Variants in ZNF397 observed in about 807,000 individuals in gnomAD.
ZNF397 encodes zinc finger and SCAN domain-containing protein 15.
In ZNF397, 38 loss-of-function variants were observed where a neutral mutation model predicts 50.6. The observed-to-expected ratio is 0.75, with a 90% CI of 0.58 to 0.98. ZNF397 has a LOEUF of 0.98. Among genes scored for constraint, ZNF397 ranks in the 50% least tolerant of loss-of-function variants. The pLI is 0.00. For synonymous variants in ZNF397, 228 were observed against 215.2 expected, an observed-to-expected ratio of 1.06 and a Z score of -0.52; for missense variants, 624 against 624.1, an observed-to-expected ratio of 1.00 and a Z score of 0.00.
intron 1 of ZNF397, chr18:35,241,743 G>A (rs1912517274): frequency 7.0e-6 from 1 of 143,596 alleles, no homozygotes; most frequent in African/African-American, 2.5e-5. Flanking sequence ...CTGTAGACTC[G>A]TTTATTCATA....
Position 35,249,378 on chromosome 18 carries a change from A to T in ZNF397, c.*3068A>T, listed in dbSNP as rs2043533798. 1.3e-5 allele frequency: 2 copies of T among 152,238 alleles called. No individual in the cohort carries two copies. Among genetic ancestry groups the T allele is most frequent in the African/African-American group, 4.8e-5 (2 of 41,448 alleles). 9.4% of individuals were successfully genotyped at this position (152,238 alleles called of 1,614,324 possible). A position where few individuals can be genotyped will look rare whatever the true frequency, so the allele number is the denominator to read the frequency against. ...TTAAAACTGATGTCACAGGCCAGGC[A>T]CAGTGGCTCATGCCTGTAATCCCAG... On this transcript the variant is annotated 3_prime_UTR_variant, in exon 4 of 4. Transcript: ENST00000330501.
At chr18:35,259,046 A>G (rs2043945568), downstream of ZNF397, 1 of 153,864 alleles carries the variant, frequency 6.5e-6, no homozygotes, top group Admixed American at 6.5e-5. Context: ...TAGTATGTTT[A>G]CTAGGGTTTC....
Position 35,249,342 on chromosome 18 carries a change from T to C in ZNF397, c.*3032T>C, listed in dbSNP as rs549518199. ...GTAACCATCATGAATGTACACAAAA[T>C]CCTGAAACTCTTAAAACTGATGTCA... On this transcript the variant is annotated 3_prime_UTR_variant, in exon 4 of 4. Transcript: ENST00000330501. 6.6e-6 allele frequency: 1 copy of C among 152,154 alleles called. No homozygotes were observed. The highest frequency in any genetic ancestry group is 2.4e-5 in the African/African-American group (1 of 41,538). The allele number at this position is 152,154 out of a possible 1,614,324, so 9.4% of individuals were successfully genotyped here.
downstream of ZNF397, chr18:35,252,903 G>A (rs1204494519): frequency 6.5e-6 from 1 of 153,098 alleles, no homozygotes; most frequent in African/African-American, 2.4e-5. Context: ...CAACTGGCAA[G>A]GGGGCAGAAT....
rs569876348 is a variant in ZNF397, at chr18:35,255,562, T to C, written c.817+1160T>C. Among the ~76,000 whole-genome samples, 280 of 152,266 alleles carry C rather than the reference T, an allele frequency of 1.8e-3. 2 individuals are homozygous for C. Among genetic ancestry groups the C allele is most frequent in the African/African-American group, 6.5e-3 (269 of 41,564 alleles). ...TCCATATTGGAAGGATGCAGGGCTG[T>C]AGTTGCACTGAAACAAAATATAACT... is the stretch of plus-strand genomic sequence containing the variant. On this transcript the variant is annotated intron_variant, in intron 5 of 5. Coordinates refer to the ZNF397 transcript ENST00000261333.
chr18:35,246,248 G>A lies in ZNF397; in HGVS notation c.1543G>A (p.Gly515Arg). ...GDEAYICNEC[G>R]KAFRHRSVLM... ...TGAAGCTTATATATGTAATGAATGTGGGAAGGCTTTCAGGCACAGATCGGT... is the reference window on the plus strand; with the variant it reads ...TGAAGCTTATATATGTAATGAATGTAGGAAGGCTTTCAGGCACAGATCGGT... The change falls in exon 4 of 4, where the codon GGG becomes AGG. Residue 515 changes from glycine (G) to arginine (R), a missense_variant. Transcript: ENST00000330501. The A allele has an allele frequency of 6.4e-7, 1 of 1,552,182 alleles. No individual in the cohort carries two copies. The highest frequency in any genetic ancestry group is 8.7e-7 in the Non-Finnish European group (1 of 1,147,096).
Position 35,248,976 on chromosome 18 carries a change from G to A in ZNF397, c.*2666G>A, listed in dbSNP as rs1230271687. 1 of 152,132 alleles carries A rather than the reference G, an allele frequency of 6.6e-6. No individual in the cohort carries two copies. The highest frequency in any genetic ancestry group is 2.4e-5 in the African/African-American group (1 of 41,414). 9.4% of individuals were successfully genotyped at this position (152,132 alleles called of 1,614,324 possible). ...AAAGGTCATATATCTACAAAGTGGG[G>A]AGGTCAGACTTTGAACCCACAACCT... On this transcript the variant is annotated 3_prime_UTR_variant, in exon 4 of 4. Coordinates refer to ENST00000330501, the MANE Select transcript of ZNF397 (RefSeq NM_001135178.3).
Position 35,243,228 on chromosome 18 carries a change from A to G in ZNF397, c.491A>G (p.Asp164Gly), listed in dbSNP as rs1255856760. 1 of 1,614,230 alleles carries G rather than the reference A, an allele frequency of 6.2e-7. No homozygotes were observed. The highest frequency in any genetic ancestry group is 1.1e-5 in the South Asian group (1 of 91,092). ...CTCAGAGCATCCCAAGAGTCAACAG[A>G]CATCCACCTCCAGCCCTTAAAGACA... ...TCLRASQEST[D>G]IHLQPLKTQL... is the part of the protein sequence containing the mutation. The change falls in exon 3 of 4, where the codon GAC becomes GGC. Residue 164 changes from aspartate (D) to glycine (G), a missense_variant. Coordinates refer to ENST00000330501, the MANE Select transcript of ZNF397 (RefSeq NM_001135178.3).
chr18:35,242,430 C>A lies in ZNF397; in HGVS notation c.-41C>A, dbSNP rs1404385792. The A allele has an allele frequency of 1.1e-5, 18 of 1,569,240 alleles. No individual in the cohort carries two copies. The highest frequency in any genetic ancestry group is 1.6e-5 in the Non-Finnish European group (18 of 1,157,262). On this transcript the variant is annotated 5_prime_UTR_variant, in exon 2 of 4. Coordinates refer to ENST00000330501, the MANE Select transcript of ZNF397 (RefSeq NM_001135178.3). ...CTCACACTCCTTCGCAAGCACAGAA[C>A]CAGTTGTACTGAGCTTTTTGCTAAG...
chr18:35,243,773 G>T (rs1018741925), intron 3 of ZNF397: 1 of 221,870 alleles, frequency 4.5e-6, no homozygotes, highest in South Asian at 8.0e-5. Flanking sequence ...AAATAGGTGG[G>T]AGGAGGAGTA....
downstream of ZNF397, chr18:35,253,983 T>C: frequency 1.2e-6 from 2 of 1,614,142 alleles, no homozygotes; most frequent in Non-Finnish European, 1.7e-6. Flanking sequence ...CTCTGATGTC[T>C]AATCAGCTTT....
Position 35,245,134 on chromosome 18 carries a change from T to C in ZNF397, c.557-128T>C, listed in dbSNP as rs532231349. The stretch of plus-strand genomic sequence containing the variant: ...ATAAGAGAGACCCTCTTTTGGCCAG[T>C]TGAAAAAAAAGATACTGGAGGACAG... On this transcript the variant is annotated intron_variant, in intron 3 of 3. Coordinates refer to ENST00000330501, the MANE Select transcript of ZNF397 (RefSeq NM_001135178.3). The C allele has an allele frequency of 3.4e-5, 43 of 1,273,656 alleles. No individual in the cohort carries two copies. The African/African-American group carries it at 6.2e-4, about 18-fold the overall frequency. 78.9% of individuals were successfully genotyped at this position (1,273,656 alleles called of 1,614,324 possible). A position where few individuals can be genotyped will look rare whatever the true frequency, so the allele number is the denominator to read the frequency against.
chr18:35,254,203 C>T (rs1268418288), downstream of ZNF397: 1 of 1,614,002 alleles, frequency 6.2e-7, no homozygotes, highest in African/African-American at 1.3e-5. Flanking sequence ...TGATTTTGTT[C>T]CCTGCAGCAT....
intron 3 of ZNF397, among the ~76,000 whole-genome samples, chr18:35,244,915 G>A (rs1398258516): frequency 6.6e-6 from 1 of 152,146 alleles, no homozygotes; most frequent in Non-Finnish European, 1.5e-5. Context: ...GTTGCTTGAG[G>A]GAGATATGTA....
chr18:35,251,297 CACTT>C (rs767631462), downstream of ZNF397: 1 of 152,126 alleles, frequency 6.6e-6, no homozygotes, highest in African/African-American at 2.4e-5. Context: ...GTATTACCAA[CACTT>C]ACAATTCACA....
At chr18:35,254,748 A>C, downstream of ZNF397, 1 of 323,592 alleles carries the variant, frequency 3.1e-6, no homozygotes, top group East Asian at 7.7e-5. Flanking sequence ...AAAAGTTAAA[A>C]GGAATGATCA....
chr18:35,255,840 C>T (rs1300173461), intron 5 of ZNF397: 1 of 154,258 alleles, frequency 6.5e-6, no homozygotes, highest in Non-Finnish European at 1.5e-5. Context: ...TTCATTGTTT[C>T]ATTCAAAAAG....
rs760669307 is a variant in ZNF397, at chr18:35,246,048, G to A, written c.1343G>A (p.Ser448Asn). 3.2e-6 allele frequency: 5 copies of A among 1,563,970 alleles called. No homozygotes were observed. In the East Asian group the frequency reaches 1.2e-4, roughly 38 times the overall value. Residue 448 changes from serine to asparagine, a missense_variant, in exon 4 of 4, where the codon AGT becomes AAT. Coordinates refer to ENST00000330501, the MANE Select transcript of ZNF397 (RefSeq NM_001135178.3). ...CTGATTACTCATCAGAGAATACATA[G>A]TGGAGAGAAACCCTATGAATGTAGT... ...SELITHQRIH[S>N]GEKPYECSEC...
rs540207529 is a variant in ZNF397, at chr18:35,246,061, C to T, written c.1356C>T (p.Pro452=). 6.4e-7 allele frequency: 1 copy of T among 1,561,136 alleles called. No individual in the cohort carries two copies. Among genetic ancestry groups the T allele is most frequent in the African/African-American group, 1.4e-5 (1 of 73,272 alleles). Residue 452 remains proline, a synonymous_variant, in exon 4 of 4, where the codon CCC becomes CCT. Transcript: ENST00000330501. ...AGAGAATACATAGTGGAGAGAAACC[C>T]TATGAATGTAGTGAATGTGGAAAAG... ...THQRIHSGEK[P]YECSECGKAF...
Sources: gnomAD v4.1 joint callset for allele counts (sites outside exome capture counted in the v4.1 genomes callset) on GRCh38, gnomAD v4.1.1 for gene constraint, MANE v1.5 for transcripts, NCBI Gene and HGNC (gene_info 2026-07-23, HGNC 2026-07-21) for gene names.